The following MCC variants were observed in gnomAD, a reference collection of about 807,000 sequenced individuals.
MCC encodes colorectal mutant cancer protein.
Under a neutral mutation model 116.2 loss-of-function variants are expected in MCC, and 90 were observed. The ratio of observed to expected loss-of-function variants is 0.77; its 90% confidence interval spans 0.65 to 0.92. MCC has a LOEUF of 0.92. Ranked by LOEUF, MCC falls within the 40% of genes least tolerant of loss-of-function variation. MCC has a pLI of 0.00. For synonymous variants in MCC, 578 were observed against 510.5 expected (o/e 1.13, Z -1.78); for missense variants, 1,516 against 1,312.2 (o/e 1.16, Z -2.40).
intron 5 of MCC, among the ~76,000 whole-genome samples, chr5:113,132,423 C>CAT (rs68059886): frequency 5.4e-5 from 7 of 130,186 alleles, no homozygotes; most frequent in African/African-American, 2.2e-4. Flanking sequence ...TATATACACA[C>CAT]ATACATATAT....
chr5:113,404,793 C>A (rs1769786295), intron 1 of MCC, among the ~76,000 whole-genome samples: 1 of 146,464 alleles, frequency 6.8e-6, no homozygotes, highest in Non-Finnish European at 1.5e-5. Context: ...ATAATGGTGG[C>A]ACAACATCCA....
intron 17 of MCC, 140 bp downstream of exon 17, chr5:113,043,390 C>A (rs1362885703): frequency 2.3e-5 from 17 of 755,524 alleles, no homozygotes; most frequent in Non-Finnish European, 2.9e-5. Context: ...ACCAACAGGC[C>A]TTCTCCATTT....
chr5:113,283,655 A>T (rs1766138792), intron 3 of MCC, among the ~76,000 whole-genome samples: 1 of 152,210 alleles, frequency 6.6e-6, no homozygotes, highest in Non-Finnish European at 1.5e-5. Flanking sequence ...TCATCTCATT[A>T]TTCCCCCCGC....
At chr5:113,313,899 C>G (rs1479389068) in intron 3 of MCC, among the ~76,000 whole-genome samples, 1 of 151,886 alleles carries the variant, frequency 6.6e-6, no homozygotes, top group African/African-American at 2.4e-5. Flanking sequence ...CAGCTCACTG[C>G]AGCCTTGGCC....
chr5:113,029,084 G>A (rs759775412), intron 17 of MCC, 28 bp from the exon 18 acceptor site: 2 of 1,593,752 alleles, frequency 1.3e-6, no homozygotes, highest in African/African-American at 1.3e-5. Flanking sequence ...AAATATGCCA[G>A]GAGTAGTTTG....
chr5:113,327,841 C>G (rs1767606904), intron 3 of MCC, among the ~76,000 whole-genome samples: 1 of 150,830 alleles, frequency 6.6e-6, no homozygotes, highest in South Asian at 2.1e-4. Flanking sequence ...ATTACTTTTG[C>G]ACCAACCTAA....
At chr5:113,149,740 C>A (rs1322397095) in intron 4 of MCC, among the ~76,000 whole-genome samples, 5 of 152,008 alleles carry the variant, frequency 3.3e-5, no homozygotes, top group African/African-American at 1.2e-4. Flanking sequence ...ATAAACAAAG[C>A]ACTTACACAG....
chr5:113,201,888 G>A (rs1012217821), intron 3 of MCC, among the ~76,000 whole-genome samples: 5 of 151,990 alleles, frequency 3.3e-5, no homozygotes, highest in Admixed American at 6.6e-5. Context: ...TTCCTGTCCC[G>A]CCATCCAAGT....
At chr5:113,464,077 T>C (rs1352133190) in intron 1 of MCC, among the ~76,000 whole-genome samples, 3 of 149,894 alleles carry the variant, frequency 2.0e-5, no homozygotes, top group Non-Finnish European at 4.4e-5. Flanking sequence ...ACCCTTTTTA[T>C]TTACTGACAA....
intron 13 of MCC, among the ~76,000 whole-genome samples, chr5:113,067,036 C>G (rs1179242605): frequency 6.6e-6 from 1 of 152,228 alleles, no homozygotes; most frequent in East Asian, 1.9e-4. Context: ...CAGTCCTCCC[C>G]ACATCACTGC....
chr5:113,476,962 G>C (rs1160657875), intron 1 of MCC, among the ~76,000 whole-genome samples: 1 of 152,198 alleles, frequency 6.6e-6, no homozygotes, highest in Non-Finnish European at 1.5e-5. Flanking sequence ...AAGCCGCATT[G>C]AGTAGTGGTC....
chr5:113,060,360 G>T (rs1229754167), intron 14 of MCC, among the ~76,000 whole-genome samples: 1 of 152,100 alleles, frequency 6.6e-6, no homozygotes, highest in Non-Finnish European at 1.5e-5. Flanking sequence ...TCACTATGTT[G>T]TCCAGGGTGG....
chr5:113,178,399 G>C (rs1410201906), intron 3 of MCC, among the ~76,000 whole-genome samples: 2 of 152,190 alleles, frequency 1.3e-5, no homozygotes, highest in African/African-American at 4.8e-5. Context: ...TCCAGTAGTT[G>C]AGGTACTAGA....
intron 14 of MCC, 74 bp from the exon 15 acceptor site, chr5:113,054,033 A>T: frequency 1.9e-6 from 2 of 1,039,284 alleles, no homozygotes; most frequent in Non-Finnish European, 2.9e-6. Flanking sequence ...TTTCCTCCTC[A>T]CTCTTCTCCA....
intron 1 of MCC, chr5:113,400,076 T>G (rs1769638593): frequency 1.3e-5 from 2 of 151,846 alleles, no homozygotes; most frequent in Admixed American, 1.3e-4. Flanking sequence ...TTTCCTAATA[T>G]TCTTACTCTT....
intron 2 of MCC, among the ~76,000 whole-genome samples, chr5:113,341,348 TAAAA>T (rs200711843): frequency 6.6e-6 from 1 of 151,836 alleles, no homozygotes; most frequent in African/African-American, 2.4e-5. Flanking sequence ...CCTGCCTCAT[TAAAA>T]AAAATTTTTT....
At chr5:113,343,560 A>G (rs569286334) in intron 2 of MCC, among the ~76,000 whole-genome samples, 1 of 152,346 alleles carries the variant, frequency 6.6e-6, no homozygotes, top group South Asian at 2.1e-4. Context: ...CCCACATTGG[A>G]CTGAGTCACA....
rs144254375 is a variant in MCC, at chr5:113,086,564, C to T, written c.1399-1254G>A. On this transcript the variant is annotated intron_variant, in intron 8 of 18. Coordinates refer to ENST00000408903, the MANE Select transcript of MCC (RefSeq NM_001085377.2). ...AAGTTACATTTAAAACGTGCATTTA[C>T]CTGCACAGAAATTAAATGTCCAAAT... is the stretch of plus-strand genomic sequence containing the variant. Among the ~76,000 whole-genome samples the T allele has an allele frequency of 4.2e-3, 634 of 152,288 alleles. 7 individuals carry two copies. The highest frequency in any genetic ancestry group is 0.014 in the African/African-American group (585 of 41,538).
chr5:113,042,755 A>G (rs1751805509), intron 17 of MCC, among the ~76,000 whole-genome samples: 1 of 151,764 alleles, frequency 6.6e-6, no homozygotes, highest in Admixed American at 6.6e-5. Context: ...TGTAAAATAC[A>G]TACCAGGTTT....
Sources: gnomAD v4.1 joint callset for allele counts (sites outside exome capture counted in the v4.1 genomes callset) on GRCh38, gnomAD v4.1.1 for gene constraint, MANE v1.5 for transcripts, NCBI Gene and HGNC (gene_info 2026-07-23, HGNC 2026-07-21) for gene names.